CFDP1: variants seen among roughly 807,000 people sequenced by gnomAD.
CFDP1 encodes the protein chromatin remodeling protein CFDP1.
In CFDP1, 31 loss-of-function variants were observed where a neutral mutation model predicts 40.1. That is an observed-to-expected ratio of 0.77 (90% confidence interval 0.58 to 1.04). The LOEUF (loss-of-function observed/expected upper bound fraction) is 1.04. CFDP1 is among the 50% of genes least tolerant of loss of function. The pLI, the probability that CFDP1 is intolerant of heterozygous loss-of-function variation, is 0.00. For synonymous variants in CFDP1, 167 were observed against 120.0 expected (o/e 1.39, Z -2.56); for missense variants, 423 against 343.4 (o/e 1.23, Z -1.83).
intron 5 of CFDP1, among the ~76,000 whole-genome samples, chr16:75,383,911 A>G (rs2078871928): frequency 6.6e-6 from 1 of 152,046 alleles, no homozygotes; most frequent in East Asian, 1.9e-4. Flanking sequence ...TGATCTCTTA[A>G]ATGACTGAAG....
intron 4 of CFDP1, among the ~76,000 whole-genome samples, chr16:75,410,458 G>T (rs113979238): frequency 2.4e-4 from 37 of 152,212 alleles, no homozygotes; most frequent in African/African-American, 8.7e-4. Context: ...TAATCAATCA[G>T]AAAAATATTA....
chr16:75,327,904 AT>A (rs2078414784), intron 5 of CFDP1, among the ~76,000 whole-genome samples: 1 of 151,946 alleles, frequency 6.6e-6, no homozygotes, highest in African/African-American at 2.4e-5. Flanking sequence ...TTTTGCGTGT[AT>A]TTTTAGTAGA....
chr16:75,431,226 C>G (rs1290463712), intron 1 of CFDP1, among the ~76,000 whole-genome samples: 1 of 151,572 alleles, frequency 6.6e-6, no homozygotes, highest in Non-Finnish European at 1.5e-5. Flanking sequence ...CCGAGGCGGG[C>G]AGACCATTTG....
At chr16:75,413,618 A>G (rs2079181277) in intron 2 of CFDP1, among the ~76,000 whole-genome samples, 1 of 151,492 alleles carries the variant, frequency 6.6e-6, no homozygotes, top group Non-Finnish European at 1.5e-5. Context: ...ATAAGAGTAT[A>G]TTGCTTCTTA....
chr16:75,384,112 T>C (rs1313242302), intron 5 of CFDP1, among the ~76,000 whole-genome samples: 1 of 152,114 alleles, frequency 6.6e-6, no homozygotes, highest in Non-Finnish European at 1.5e-5. Context: ...TCTGTAATCC[T>C]AGCACTTTGT....
chr16:75,317,528 CCT>C lies in CFDP1; in HGVS notation c.651-12348_651-12347del, dbSNP rs545431248. On this transcript the variant is annotated intron_variant, in intron 5 of 6. Transcript: ENST00000283882. ...CTGCCTGGGGAGGAGATGCTTTGCC[CCT>C]GAGGTGCGAACTGCTGTTGCTTTAA... 1.8e-3 allele frequency among the ~76,000 whole-genome samples: 277 copies of C among 152,232 alleles called. 2 individuals are homozygous for C. Among genetic ancestry groups the C allele is most frequent in the Non-Finnish European group, 2.3e-3 (154 of 67,990 alleles).
At position 75,394,394 on chromosome 16, in the gene CFDP1, A is replaced by G. The variant is rs1382172344; in HGVS notation, c.650+696T>C. Among the ~76,000 whole-genome samples the G allele has an allele frequency of 3.3e-5, 5 of 152,240 alleles. No individual in the cohort carries two copies. The East Asian group carries it at 9.6e-4, about 29-fold the overall frequency. ...TAATATGAAAAATATGAAGGGAGGA[A>G]AACCATTAAGTTCCTGACAATGTGT... On this transcript the variant is annotated intron_variant, in intron 5 of 6. Transcript: ENST00000283882.
At chr16:75,314,033 C>A (rs116770695) in intron 5 of CFDP1, among the ~76,000 whole-genome samples, 3 of 151,986 alleles carry the variant, frequency 2.0e-5, no homozygotes, top group Non-Finnish European at 4.4e-5. Flanking sequence ...TACAGGTGAC[C>A]GCTACCATGC....
chr16:75,347,343 C>CAAAAAAAAAAAAA (rs762900031), intron 5 of CFDP1, among the ~76,000 whole-genome samples: 8 of 91,610 alleles, frequency 8.7e-5, no homozygotes, highest in South Asian at 4.4e-4. Flanking sequence ...GACTCCATCT[C>CAAAAAAAAAAAAA]AAAAAAAAAA....
At chr16:75,297,675 C>A (rs2078193825) in intron 6 of CFDP1, among the ~76,000 whole-genome samples, 1 of 152,188 alleles carries the variant, frequency 6.6e-6, no homozygotes, top group Non-Finnish European at 1.5e-5. Flanking sequence ...GCTTCCATTG[C>A]CTTCTGTGGC....
intron 5 of CFDP1, among the ~76,000 whole-genome samples, chr16:75,324,082 C>CTATCTCTTTTT (rs1211613996): frequency 6.6e-6 from 1 of 152,142 alleles, no homozygotes; most frequent in Non-Finnish European, 1.5e-5. Flanking sequence ...TTTTTGGCCA[C>CTATCTCTTTTT]TGGAGATAGA....
intron 5 of CFDP1, among the ~76,000 whole-genome samples, chr16:75,343,586 C>T (rs1219512106): frequency 1.3e-5 from 2 of 152,224 alleles, no homozygotes; most frequent in Non-Finnish European, 2.9e-5. Context: ...TTGGGGGACA[C>T]AAGGCCTCAG....
At chr16:75,321,245 G>A (rs1018873943) in intron 5 of CFDP1, among the ~76,000 whole-genome samples, 1 of 152,182 alleles carries the variant, frequency 6.6e-6, no homozygotes, top group Non-Finnish European at 1.5e-5. Context: ...AATTACAGGC[G>A]TGAGCCACAG....
intron 5 of CFDP1, among the ~76,000 whole-genome samples, chr16:75,329,401 C>G (rs921840597): frequency 3.3e-5 from 5 of 152,290 alleles, no homozygotes; most frequent in Non-Finnish European, 7.4e-5. Context: ...ACAGTACATT[C>G]TGACTTTTCA....
intron 5 of CFDP1, among the ~76,000 whole-genome samples, chr16:75,385,534 G>C (rs2078889467): frequency 1.8e-5 from 2 of 110,836 alleles, no homozygotes; most frequent in Non-Finnish European, 2.2e-5. Context: ...CACAATAGTA[G>C]AGTTGAAAAA....
chr16:75,374,406 C>T (rs932314834), intron 5 of CFDP1, among the ~76,000 whole-genome samples: 8 of 151,928 alleles, frequency 5.3e-5, no homozygotes, highest in African/African-American at 1.7e-4. Flanking sequence ...TAGATTACTC[C>T]ATTTATATAA....
At chr16:75,422,420 G>C (rs2079291071) in intron 1 of CFDP1, among the ~76,000 whole-genome samples, 3 of 127,134 alleles carry the variant, frequency 2.4e-5, no homozygotes, top group African/African-American at 3.3e-5. Context: ...TTTTTTTTGA[G>C]ACAGAGTCTC....
intron 6 of CFDP1, among the ~76,000 whole-genome samples, chr16:75,304,387 T>C (rs1273195590): frequency 6.6e-6 from 1 of 152,224 alleles, no homozygotes; most frequent in East Asian, 1.9e-4. Flanking sequence ...TTCTTGATTT[T>C]TTGTTTAATC....
intron 5 of CFDP1, among the ~76,000 whole-genome samples, chr16:75,371,183 T>A (rs1186089451): frequency 2.6e-5 from 4 of 152,218 alleles, no homozygotes; most frequent in African/African-American, 9.6e-5. Context: ...GCAGGATGTT[T>A]AGCAGCATCT....
Sources: gnomAD v4.1 joint callset for allele counts (sites outside exome capture counted in the v4.1 genomes callset) on GRCh38, gnomAD v4.1.1 for gene constraint, MANE v1.5 for transcripts, NCBI Gene and HGNC (gene_info 2026-07-23, HGNC 2026-07-21) for gene names.